The following TSC22D4 variants were observed in gnomAD, a reference collection of about 807,000 sequenced individuals.
TSC22D4 encodes TSC22 domain family protein 4.
TSC22D4 carries 5 observed loss-of-function variants against 24.9 expected under a neutral mutation model. That is an observed-to-expected ratio of 0.20 (90% confidence interval 0.10 to 0.42). The LOEUF is 0.42. Among genes scored for constraint, TSC22D4 ranks in the 10% least tolerant of loss-of-function variants. The pLI, the probability that TSC22D4 is intolerant of heterozygous loss-of-function variation, is 1.00. For synonymous variants in TSC22D4, 245 were observed against 243.2 expected, an observed-to-expected ratio of 1.01 and a Z score of -0.07; for missense variants, 469 against 547.9, an observed-to-expected ratio of 0.86 and a Z score of 1.44.
Position 100,474,318 on chromosome 7 carries a change from G to A in TSC22D4, c.885C>T (p.His295=). The A allele has an allele frequency of 1.2e-6, 2 of 1,614,142 alleles. No individual in the cohort carries two copies. Among genetic ancestry groups the A allele is most frequent in the South Asian group, 1.1e-5 (1 of 91,080 alleles). The change falls in exon 3 of 5, where the codon CAC becomes CAT. Residue 295 remains histidine (H), a synonymous_variant. Transcript: ENST00000300181. The surrounding 1 kb of genome is among the most constrained non-coding windows in gnomAD (Gnocchi z 4.3). ...GGTGACCACTGATGGCCAACATGGAGTGGGCCAGGCTGAACTTCTGAGCTG... is the reference window on the plus strand; with the variant it reads ...GGTGACCACTGATGGCCAACATGGAATGGGCCAGGCTGAACTTCTGAGCTG... ...AVAAQKFSLA[H]SMLAISGHLD...
chr7:100,476,585 T>G (rs1260381300), intron 2 of TSC22D4, among the ~76,000 whole-genome samples: 1 of 152,164 alleles, frequency 6.6e-6, no homozygotes, highest in African/African-American at 2.4e-5. Flanking sequence ...TGAACTCCCT[T>G]CTGGGGCTCT....
intron 3 of TSC22D4, among the ~76,000 whole-genome samples, chr7:100,471,837 T>C (rs1799399229): frequency 6.6e-6 from 1 of 152,086 alleles, no homozygotes; most frequent in African/African-American, 2.4e-5. Flanking sequence ...CTTTTTAGGA[T>C]TAGAAGGGAG....
chr7:100,477,986 T>C lies in TSC22D4; in HGVS notation c.53A>G (p.Asp18Gly), dbSNP rs771035064. 2 of 1,585,176 alleles carry C rather than the reference T, an allele frequency of 1.3e-6. No individual in the cohort carries two copies. Among genetic ancestry groups the C allele is most frequent in the South Asian group, 2.3e-5 (2 of 86,776 alleles). The change falls in exon 2 of 5, where the codon GAC becomes GGC. Residue 18 changes from aspartate to glycine, a missense_variant. Asp to Gly is a moderately conservative substitution (Grantham distance 94). Coordinates refer to ENST00000300181, the MANE Select transcript of TSC22D4 (RefSeq NM_030935.5). This position sits in a 1 kb window ranked among gnomAD's most constrained non-coding sequence, Gnocchi z 7.8. ...CCCTGGGCTCCCAGGGCCCTCATAG[T>C]CCGTGGTGACGCTGGTGATTTGGAA... ...SSFQITSVTT[D>G]YEGPGSPGAS...
chr7:100,469,578 T>C (rs1799356549), intron 3 of TSC22D4, among the ~76,000 whole-genome samples: 1 of 151,826 alleles, frequency 6.6e-6, no homozygotes, highest in Admixed American at 6.6e-5. Flanking sequence ...CAAGGCTCCC[T>C]CTCCCACCCC....
At chr7:100,476,298 G>C (rs1424070123) in intron 2 of TSC22D4, among the ~76,000 whole-genome samples, 1 of 151,510 alleles carries the variant, frequency 6.6e-6, no homozygotes, top group Non-Finnish European at 1.5e-5. Flanking sequence ...GGGTTTGGGG[G>C]GAGCCAGTCC....
In TSC22D4 at chr7:100,478,936, C is replaced by T. The variant is rs1799568742; in HGVS notation, c.-412G>A. 1 of 152,298 alleles carries T rather than the reference C, an allele frequency of 6.6e-6. No individual in the cohort carries two copies. The highest frequency in any genetic ancestry group is 1.5e-5 in the Non-Finnish European group (1 of 68,100). 9.4% of individuals were successfully genotyped at this position (152,298 alleles called of 1,614,324 possible). ...GAGGCTGTCCCGTCCTCTCCGGGGG[C>T]CGCGGCTCATCCTGCCAGGCATCTC... On this transcript the variant is annotated 5_prime_UTR_variant, in exon 1 of 5. Coordinates refer to ENST00000300181, the MANE Select transcript of TSC22D4 (RefSeq NM_030935.5).
rs1563180810 is a variant in TSC22D4 at position 100,471,170 on chromosome 7, GC to G, written c.929+3103del. Among the ~76,000 whole-genome samples, 5 of 134,198 alleles carry G rather than the reference GC, an allele frequency of 3.7e-5. No individual in the cohort carries two copies. In the South Asian group the frequency reaches 7.7e-4, roughly 21 times the overall value. 88.0% of individuals were successfully genotyped at this position (134,198 alleles called of 152,430 possible). ...GGGGCCAAGAAAGTGTCATCCAGCTGCCCTGTCTCTATGCTGTCCCGGATCT... is the reference window on the plus strand; with the variant it reads ...GGGGCCAAGAAAGTGTCATCCAGCTGCCTGTCTCTATGCTGTCCCGGATCT... On this transcript the variant is annotated intron_variant, in intron 3 of 4. Coordinates refer to ENST00000300181, the MANE Select transcript of TSC22D4 (RefSeq NM_030935.5).
chr7:100,476,494 C>A (rs887612047), intron 2 of TSC22D4, among the ~76,000 whole-genome samples: 1 of 152,220 alleles, frequency 6.6e-6, no homozygotes, highest in Non-Finnish European at 1.5e-5. Flanking sequence ...TGCTCACCCC[C>A]ACCATGGGGA....
At chr7:100,472,444 C>G (rs1474787110) in intron 3 of TSC22D4, among the ~76,000 whole-genome samples, 1 of 143,986 alleles carries the variant, frequency 6.9e-6, no homozygotes, top group Non-Finnish European at 1.5e-5. Context: ...AGGGAGGGTA[C>G]AGGGGAAAGA....
At position 100,478,120 on chromosome 7, in the gene TSC22D4, G is replaced by A. The variant is rs1799544656; in HGVS notation, c.-82C>T. 2 of 1,245,668 alleles carry A rather than the reference G, an allele frequency of 1.6e-6. No homozygotes were observed. Among genetic ancestry groups the A allele is most frequent in the African/African-American group, 1.5e-5 (1 of 66,220 alleles). The allele number at this position is 1,245,668 out of a possible 1,614,324, so 77.2% of individuals were successfully genotyped here. On this transcript the variant is annotated 5_prime_UTR_variant, in exon 2 of 5. Transcript: ENST00000300181. The stretch of plus-strand genomic sequence containing the variant: ...GGGCTCAGGCACCCCTGGAACAAGG[G>A]GGCCACATGGCGGGGACATCCGAGC...
chr7:100,472,391 G>A (rs1043429836), intron 3 of TSC22D4, among the ~76,000 whole-genome samples: 5 of 139,948 alleles, frequency 3.6e-5, no homozygotes, highest in Admixed American at 2.8e-4. Context: ...GGACCGGTCA[G>A]ATTGGGGTGT....
Position 100,466,923 on chromosome 7 carries a change from G to A in TSC22D4, c.*36C>T, listed in dbSNP as rs1799288283. ...GGGGCAGGCGGCTGACGCAAGGCCG[G>A]GCAGCCCCAAAGGCACATTGTAAGG... is the stretch of plus-strand genomic sequence containing the variant. On this transcript the variant is annotated 3_prime_UTR_variant, in exon 5 of 5. Coordinates refer to ENST00000300181, the MANE Select transcript of TSC22D4 (RefSeq NM_030935.5). The A allele has an allele frequency of 1.0e-5, 15 of 1,497,416 alleles. No homozygotes were observed. The highest frequency in any genetic ancestry group is 1.3e-5 in the Non-Finnish European group (14 of 1,119,348). The allele number at this position is 1,497,416 out of a possible 1,614,324, so 92.8% of individuals were successfully genotyped here.
chr7:100,475,675 G>T (rs554174110), intron 2 of TSC22D4, among the ~76,000 whole-genome samples: 3 of 151,422 alleles, frequency 2.0e-5, no homozygotes, highest in Admixed American at 2.0e-4. Context: ...CCCTAGGGTT[G>T]GGGGGGGAGC....
chr7:100,470,485 C>T (rs970216979), intron 3 of TSC22D4, among the ~76,000 whole-genome samples: 8 of 152,092 alleles, frequency 5.3e-5, no homozygotes, highest in Non-Finnish European at 7.4e-5. Flanking sequence ...GGGGAGCCTC[C>T]GGCAAAATGG....
intron 3 of TSC22D4, among the ~76,000 whole-genome samples, chr7:100,472,718 C>G (rs1799416384): frequency 6.6e-6 from 1 of 151,750 alleles, no homozygotes; most frequent in South Asian, 2.1e-4. Context: ...CCGCCCAGCC[C>G]CACCCAGCAC....
At chr7:100,472,235 G>A (rs1799405384) in intron 3 of TSC22D4, among the ~76,000 whole-genome samples, 1 of 152,152 alleles carries the variant, frequency 6.6e-6, no homozygotes, top group Non-Finnish European at 1.5e-5. Context: ...GACAGGAGAG[G>A]TGGGGCCTAC....
chr7:100,467,234 A>T (rs1799297777), intron 4 of TSC22D4, 66 bp from the exon 5 acceptor site: 1 of 1,523,902 alleles, frequency 6.6e-7, no homozygotes, highest in Admixed American at 1.7e-5. Context: ...CAGTGCCTTG[A>T]GGGCTGGGGT....
Position 100,477,942 on chromosome 7 carries a change from G to C in TSC22D4, c.97C>G (p.Pro33Ala). 1 of 1,555,386 alleles carries C rather than the reference G, an allele frequency of 6.4e-7. No homozygotes were observed. Among genetic ancestry groups the C allele is most frequent in the East Asian group, 2.4e-5 (1 of 42,226 alleles). ...GSPGASDPPT[P>A]QPPTGPPPRL... ...GGCGGGGGCCCGGTTGGGGGCTGTG[G>C]GGTAGGGGGATCCGAAGCCCCTGGG... Residue 33 changes from proline (P) to alanine (A), a missense_variant, in exon 2 of 5, where the codon CCA (proline) becomes GCA (alanine). Coordinates refer to ENST00000300181, the MANE Select transcript of TSC22D4 (RefSeq NM_030935.5). The surrounding 1 kb of genome is among the most constrained non-coding windows in gnomAD (Gnocchi z 7.8).
Position 100,477,715 on chromosome 7 carries a change from GA to G in TSC22D4, c.323del (p.Leu108ProfsTer109). The G allele has an allele frequency of 6.2e-7, 1 of 1,600,014 alleles. No homozygotes were observed. Among genetic ancestry groups the G allele is most frequent in the Non-Finnish European group, 8.5e-7 (1 of 1,178,972 alleles). ...RDLEPHSFGG[L>X]LEGIRGASGG... is the part of the protein sequence containing the mutation. ...CTGAGGCCCCTCGAATTCCCTCCAG[GA>G]GTCCGCCGAAGCTGTGGGGCTCCAG... On this transcript the variant is annotated frameshift_variant, in exon 2 of 5. Transcript: ENST00000300181. LOFTEE classifies it high-confidence loss of function. The surrounding 1 kb of genome is among the most constrained non-coding windows in gnomAD (Gnocchi z 7.8).
Sources: allele counts gnomAD v4.1 joint callset (sites outside exome capture counted in the v4.1 genomes callset), GRCh38; gene constraint gnomAD v4.1.1; non-coding constraint Gnocchi (gnomAD v3.1); transcripts MANE v1.5; gene names NCBI Gene and HGNC (gene_info 2026-07-23, HGNC 2026-07-21).